The following PLEK2 variants were observed in gnomAD, a reference collection of about 807,000 sequenced individuals.
PLEK2 encodes the protein pleckstrin 2.
A neutral mutation model predicts 43.8 loss-of-function variants in PLEK2; 29 were observed. The ratio of observed to expected loss-of-function variants is 0.66; its 90% CI spans 0.49 to 0.90. The LOEUF is 0.90. Ranked by LOEUF, PLEK2 falls within the 40% of genes least tolerant of loss-of-function variation. The probability of loss-of-function intolerance (pLI) is 0.00; values close to 1 mark genes in which losing one functional copy is unlikely to be tolerated. For missense variants in PLEK2, 398 were observed against 448.1 expected, an observed-to-expected ratio of 0.89 and a Z score of 1.01; for synonymous variants, 162 against 173.2, an observed-to-expected ratio of 0.94 and a Z score of 0.51.
chr14:67,392,654 C>CAA lies in PLEK2; in HGVS notation c.669+6_669+7dup. On this transcript the variant is annotated splice_region_variant and intron_variant, in intron 5 of 8. Coordinates refer to ENST00000216446, the MANE Select transcript of PLEK2 (RefSeq NM_016445.3). ...CTGGTGGCAAGAAGAACCCACTCCC[C>CAA]AACTTACAAAAGTGTACAGGGCTGT... is the stretch of plus-strand genomic sequence containing the variant. 6.2e-7 allele frequency: 1 copy of CAA among 1,605,600 alleles called. No homozygotes were observed. Among genetic ancestry groups the CAA allele is most frequent in the South Asian group, 1.1e-5 (1 of 90,458 alleles).
intron 1 of PLEK2, among the ~76,000 whole-genome samples, chr14:67,406,115 T>C (rs2086076646): frequency 6.6e-6 from 1 of 151,866 alleles, no homozygotes; most frequent in Non-Finnish European, 1.5e-5. Context: ...AAAAATTAGC[T>C]GGGCGTGGTG....
intron 1 of PLEK2, among the ~76,000 whole-genome samples, chr14:67,409,887 G>A (rs750683479): frequency 6.6e-6 from 1 of 152,166 alleles, no homozygotes; most frequent in Admixed American, 6.5e-5. Flanking sequence ...GATATGGAGG[G>A]TTGAAAAAGT....
At chr14:67,403,140 TG>T (rs756100685) in intron 1 of PLEK2, among the ~76,000 whole-genome samples, 3 of 152,242 alleles carry the variant, frequency 2.0e-5, no homozygotes, top group Non-Finnish European at 4.4e-5. Context: ...GATATCCCAT[TG>T]TAGTTTTGAT....
chr14:67,388,536 TCA>T (rs2139834370), intron 7 of PLEK2, among the ~76,000 whole-genome samples: 1 of 152,302 alleles, frequency 6.6e-6, no homozygotes, highest in East Asian at 1.9e-4. Flanking sequence ...TTACCAAGTC[TCA>T]CAGACTTGCA....
Position 67,387,403 on chromosome 14 carries a change from T to C in PLEK2, c.988A>G (p.Thr330Ala). 1 of 1,610,946 alleles carries C rather than the reference T, an allele frequency of 6.2e-7. No individual in the cohort carries two copies. Among genetic ancestry groups the C allele is most frequent in the South Asian group, 1.1e-5 (1 of 90,344 alleles). Residue 330 changes from threonine to alanine, a missense_variant, in exon 9 of 9, where the codon ACA becomes GCA. Coordinates refer to ENST00000216446, the MANE Select transcript of PLEK2 (RefSeq NM_016445.3). Reference sequence around the variant, plus strand: ...CTGCTGGCCTGAATGTAATAGTGTGTGTCATCCTTAGTAATCACTTTGAAG... The same window carrying C: ...CTGCTGGCCTGAATGTAATAGTGTGCGTCATCCTTAGTAATCACTTTGAAG... ...NLFKVITKDD[T>A]HYYIQASSKA...
intron 2 of PLEK2, among the ~76,000 whole-genome samples, chr14:67,396,440 G>A (rs955501404): frequency 2.6e-5 from 4 of 151,642 alleles, no homozygotes; most frequent in African/African-American, 7.3e-5. Flanking sequence ...GAGCCAATGC[G>A]CCTGGCCTCT....
At chr14:67,404,225 C>T (rs2086065282) in intron 1 of PLEK2, among the ~76,000 whole-genome samples, 1 of 152,176 alleles carries the variant, frequency 6.6e-6, no homozygotes, top group Admixed American at 6.5e-5. Flanking sequence ...AGATGGTAGG[C>T]CACTGGCACA....
In PLEK2 at chr14:67,390,553, C is replaced by A. The variant is rs1446176264; in HGVS notation, c.855+110G>T. Reference sequence around the variant, plus strand: ...AGGCATGGTGCAGCAGACTTTACGGCGGGTGCCAGGGGAAGGCAGGATATC... The same window carrying A: ...AGGCATGGTGCAGCAGACTTTACGGAGGGTGCCAGGGGAAGGCAGGATATC... On this transcript the variant is annotated intron_variant, in intron 7 of 8. Transcript: ENST00000216446. 2.9e-5 allele frequency: 22 copies of A among 764,874 alleles called. 1 individual carries two copies. The highest frequency in any genetic ancestry group is 2.4e-4 in the South Asian group (17 of 69,468). 47.4% of individuals were successfully genotyped at this position (764,874 alleles called of 1,614,324 possible).
At chr14:67,406,331 T>C (rs1284403837) in intron 1 of PLEK2, among the ~76,000 whole-genome samples, 1 of 151,864 alleles carries the variant, frequency 6.6e-6, no homozygotes, top group East Asian at 1.9e-4. Context: ...TAGGGCATGA[T>C]ACAAACCCCA....
At chr14:67,395,015 T>C (rs2085996484) in intron 3 of PLEK2, among the ~76,000 whole-genome samples, 2 of 152,076 alleles carry the variant, frequency 1.3e-5, no homozygotes, top group Non-Finnish European at 2.9e-5. Flanking sequence ...TCTATAATGA[T>C]AAGAAATAAA....
chr14:67,392,038 C>T (rs1313896488), intron 6 of PLEK2, among the ~76,000 whole-genome samples: 2 of 152,182 alleles, frequency 1.3e-5, no homozygotes, highest in Admixed American at 6.5e-5. Flanking sequence ...ATATGTGAAG[C>T]TGGGCAATTG....
chr14:67,409,842 CA>C (rs1165207916), intron 1 of PLEK2, among the ~76,000 whole-genome samples: 1 of 152,190 alleles, frequency 6.6e-6, no homozygotes, highest in African/African-American at 2.4e-5. Flanking sequence ...CTCCAGTGGA[CA>C]TAGGGAATGC....
At chr14:67,391,597 G>A (rs931645474) in intron 6 of PLEK2, among the ~76,000 whole-genome samples, 9 of 152,188 alleles carry the variant, frequency 5.9e-5, no homozygotes, top group African/African-American at 1.9e-4. Flanking sequence ...GTGCCGAGCC[G>A]TGTAGGTGCC....
At chr14:67,410,707 G>A (rs1353980938) in intron 1 of PLEK2, among the ~76,000 whole-genome samples, 1 of 152,196 alleles carries the variant, frequency 6.6e-6, no homozygotes, top group East Asian at 1.9e-4. Context: ...CACCCCGGGA[G>A]GCAATGAAAG....
chr14:67,395,674 G>C, intron 2 of PLEK2, 91 bp from the exon 3 acceptor site: 6 of 982,700 alleles, frequency 6.1e-6, no homozygotes, highest in Non-Finnish European at 9.4e-6. Context: ...GAGAATCTAG[G>C]TGACAGTGAC....
At chr14:67,390,154 C>T (rs1388088275) in intron 7 of PLEK2, among the ~76,000 whole-genome samples, 1 of 152,136 alleles carries the variant, frequency 6.6e-6, no homozygotes, top group Non-Finnish European at 1.5e-5. Context: ...GTATCAGAAA[C>T]ATAAAAATGA....
rs977280423 is a variant in PLEK2 at position 67,387,274 on chromosome 14, C to T, written c.*55G>A. The T allele has an allele frequency of 1.0e-5, 16 of 1,559,588 alleles. No homozygotes were observed. The highest frequency in any genetic ancestry group is 1.7e-4 in the Middle Eastern group (1 of 5,900). Reference sequence around the variant, plus strand: ...TCTTAACACTCCCATTCTCCAGGAACTCTTGTCTGTGTCATCTGGTAGGAG... The same window carrying T: ...TCTTAACACTCCCATTCTCCAGGAATTCTTGTCTGTGTCATCTGGTAGGAG... On this transcript the variant is annotated 3_prime_UTR_variant, in exon 9 of 9. Transcript: ENST00000216446.
chr14:67,403,664 G>A (rs1012008318), intron 1 of PLEK2, among the ~76,000 whole-genome samples: 1 of 152,216 alleles, frequency 6.6e-6, no homozygotes, highest in South Asian at 2.1e-4. Context: ...GTACTACGTA[G>A]ACAAGAAATT....
rs1349763083 is a variant in PLEK2, at chr14:67,390,711, A to G, written c.807T>C (p.Phe269=). The G allele has an allele frequency of 1.2e-6, 2 of 1,613,780 alleles. No individual in the cohort carries two copies. The highest frequency in any genetic ancestry group is 2.7e-5 in the African/African-American group (2 of 74,902). Residue 269 remains phenylalanine, a synonymous_variant, in exon 7 of 9, where the codon TTT becomes TTC. Coordinates refer to ENST00000216446, the MANE Select transcript of PLEK2 (RefSeq NM_016445.3). ...HKRKNWKVRR[F]VLRKDPAFLH... is the part of the protein sequence containing the mutation. ...GGAAAGCTGGATCCTTCCTTAGAAC[A>G]AAGCGACGCACCTTCCAGTTTTTCC...
Sources: allele counts gnomAD v4.1 joint callset (sites outside exome capture counted in the v4.1 genomes callset), GRCh38; gene constraint gnomAD v4.1.1; transcripts MANE v1.5; gene names NCBI Gene and HGNC (gene_info 2026-07-23, HGNC 2026-07-21).